Variants in MDFIC observed in about 807,000 individuals in gnomAD.
The protein encoded by MDFIC is MyoD family inhibitor domain containing, also known as myoD family inhibitor domain-containing protein.
Under a neutral mutation model 23.2 loss-of-function variants are expected in MDFIC, and 17 were observed. The ratio of observed to expected loss-of-function variants is 0.73; its 90% confidence interval spans 0.50 to 1.10. MDFIC has a LOEUF of 1.10. Ranked by LOEUF, MDFIC falls within the 50% of genes least tolerant of loss-of-function variation. The pLI, the probability that MDFIC is intolerant of heterozygous loss-of-function variation, is 0.00. For synonymous variants in MDFIC, 120 were observed against 115.2 expected, an observed-to-expected ratio of 1.04 and a Z score of -0.27; for missense variants, 356 against 316.6, an observed-to-expected ratio of 1.12 and a Z score of -0.95.
Position 115,018,202 on chromosome 7 carries a change from A to G in MDFIC, c.*2267A>G, listed in dbSNP as rs558109813. The G allele has an allele frequency of 1.4e-4, 22 of 152,032 alleles. 1 individual carries two copies. Among genetic ancestry groups the G allele is most frequent in the Admixed American group, 1.0e-3 (16 of 15,262 alleles). The allele number at this position is 152,032 out of a possible 1,614,324, so 9.4% of individuals were successfully genotyped here. On this transcript the variant is annotated 3_prime_UTR_variant, in exon 5 of 5. Coordinates refer to ENST00000393486, the MANE Select transcript of MDFIC (RefSeq NM_001166345.3). ...CAGTAACCACAATCTAAATATTTAC[A>G]TATACCCAAAATTAACTTATGCTCA...
At chr7:114,930,373 C>G (rs552610681) in intron 2 of MDFIC, among the ~76,000 whole-genome samples, 2 of 152,150 alleles carry the variant, frequency 1.3e-5, no homozygotes. Context: ...TTATGTTAAC[C>G]GGTCTTGTAT....
At chr7:114,960,860 A>T (rs370888313) in intron 3 of MDFIC, among the ~76,000 whole-genome samples, 1 of 152,194 alleles carries the variant, frequency 6.6e-6, no homozygotes, top group Admixed American at 6.5e-5. Context: ...ACAATAGTGG[A>T]TCAAATATGT....
At chr7:114,960,136 G>T (rs982560666) in intron 3 of MDFIC, among the ~76,000 whole-genome samples, 1 of 152,084 alleles carries the variant, frequency 6.6e-6, no homozygotes, top group African/African-American at 2.4e-5. Flanking sequence ...AATGTACTTG[G>T]AGAAAATCCC....
intron 3 of MDFIC, among the ~76,000 whole-genome samples, chr7:114,945,274 G>A (rs528610493): frequency 6.6e-6 from 1 of 152,294 alleles, no homozygotes; most frequent in Non-Finnish European, 1.5e-5. Context: ...GAATAACTGA[G>A]CTCTGGAAAG....
intron 4 of MDFIC, among the ~76,000 whole-genome samples, chr7:114,984,399 C>G (rs1485408945): frequency 6.6e-6 from 1 of 152,010 alleles, no homozygotes; most frequent in Non-Finnish European, 1.5e-5. Flanking sequence ...ATACAATGCT[C>G]TATTCCAAAT....
intron 3 of MDFIC, among the ~76,000 whole-genome samples, chr7:114,960,270 C>T (rs1370515252): frequency 1.3e-5 from 2 of 152,136 alleles, no homozygotes; most frequent in Non-Finnish European, 2.9e-5. Flanking sequence ...ATAACCAGCA[C>T]TTGGTTAAAG....
intron 3 of MDFIC, among the ~76,000 whole-genome samples, chr7:114,942,860 G>C (rs950866880): frequency 2.0e-5 from 3 of 152,070 alleles, no homozygotes; most frequent in Admixed American, 2.0e-4. Flanking sequence ...TCCTAAAATT[G>C]CATACAAAAG....
chr7:115,014,228 T>C, intron 4 of MDFIC: 7 of 985,334 alleles, frequency 7.1e-6, no homozygotes, highest in Non-Finnish European at 7.2e-6. Context: ...TTAGGGAGTT[T>C]AGGATGGGAT....
intron 4 of MDFIC, among the ~76,000 whole-genome samples, chr7:114,998,543 G>T (rs1791392131): frequency 6.6e-6 from 1 of 152,118 alleles, no homozygotes; most frequent in South Asian, 2.1e-4. Flanking sequence ...TGGAAATCTA[G>T]AGAATGGAGA....
chr7:115,003,065 C>T (rs1791495219), intron 4 of MDFIC, among the ~76,000 whole-genome samples: 1 of 152,142 alleles, frequency 6.6e-6, no homozygotes, highest in African/African-American at 2.4e-5. Context: ...CAAAATTTCT[C>T]TGGCCAAACA....
chr7:114,939,529 T>TA (rs764501104), intron 2 of MDFIC, among the ~76,000 whole-genome samples: 11 of 152,312 alleles, frequency 7.2e-5, no homozygotes, highest in Admixed American at 5.9e-4. Flanking sequence ...GAAACTTTCT[T>TA]AAAAATGTGA....
intron 3 of MDFIC, among the ~76,000 whole-genome samples, chr7:114,979,290 A>C (rs1793373140): frequency 6.6e-6 from 1 of 152,116 alleles, no homozygotes; most frequent in Admixed American, 6.5e-5. Context: ...TCCTTGTACA[A>C]ACCCACTTTT....
intron 2 of MDFIC, among the ~76,000 whole-genome samples, chr7:114,930,466 G>T (rs1792287266): frequency 6.6e-6 from 1 of 152,162 alleles, no homozygotes. Flanking sequence ...TGTGGCTGTT[G>T]CTTTGTTTGG....
At chr7:114,957,708 G>A (rs566240348) in intron 3 of MDFIC, among the ~76,000 whole-genome samples, 2 of 152,208 alleles carry the variant, frequency 1.3e-5, no homozygotes, top group African/African-American at 4.8e-5. Context: ...TCTTTCAATG[G>A]TATGGAAATA....
intron 3 of MDFIC, among the ~76,000 whole-genome samples, chr7:114,944,407 C>T (rs777609616): frequency 8.5e-5 from 13 of 152,156 alleles, no homozygotes; most frequent in Non-Finnish European, 1.6e-4. Flanking sequence ...ATTTCAAAAA[C>T]TCCATTTTTG....
chr7:115,009,048 A>G (rs1235737568), intron 4 of MDFIC, among the ~76,000 whole-genome samples: 1 of 152,214 alleles, frequency 6.6e-6, no homozygotes, highest in South Asian at 2.1e-4. Flanking sequence ...CTAAATACAC[A>G]TAACTCTTAT....
chr7:114,962,583 A>G (rs1318162946), intron 3 of MDFIC, among the ~76,000 whole-genome samples: 5 of 152,214 alleles, frequency 3.3e-5, no homozygotes, highest in African/African-American at 7.2e-5. Flanking sequence ...GGCAGGAGAC[A>G]TAAGAATCTC....
Position 114,923,003 on chromosome 7 carries a change from GC to G in MDFIC, c.-30del. On this transcript the variant is annotated 5_prime_UTR_variant, in exon 2 of 5. Transcript: ENST00000393486. ...CTGCCGGGCGGCGAGCTAGGCGGCAGCGGCGCGGCGCGGGCTCGGCGGAGCG... is the reference window on the plus strand; with the variant it reads ...CTGCCGGGCGGCGAGCTAGGCGGCAGGGCGCGGCGCGGGCTCGGCGGAGCG... The G allele has an allele frequency of 6.7e-7, 1 of 1,484,018 alleles. No homozygotes were observed. Among genetic ancestry groups the G allele is most frequent in the Admixed American group, 2.3e-5 (1 of 43,982 alleles). The allele number at this position is 1,484,018 out of a possible 1,614,324, so 91.9% of individuals were successfully genotyped here.
chr7:114,931,303 A>C (rs912584975), intron 2 of MDFIC, among the ~76,000 whole-genome samples: 12 of 152,174 alleles, frequency 7.9e-5, no homozygotes, highest in Non-Finnish European at 1.3e-4. Flanking sequence ...TGTGGTTTTT[A>C]CTTACAGTCT....
Sources: allele counts gnomAD v4.1 joint callset (sites outside exome capture counted in the v4.1 genomes callset), GRCh38; gene constraint gnomAD v4.1.1; transcripts MANE v1.5; gene names NCBI Gene and HGNC (gene_info 2026-07-23, HGNC 2026-07-21).